Variants in LRP1B observed in about 807,000 individuals in gnomAD.
The protein encoded by LRP1B is low-density lipoprotein receptor-related protein 1B.
Under a neutral mutation model 556.6 loss-of-function variants are expected in LRP1B, and 217 were observed. The ratio of observed to expected loss-of-function variants is 0.39; its 90% CI spans 0.35 to 0.44. The LOEUF is 0.44. LRP1B is among the 20% of genes least tolerant of loss of function. LRP1B has a pLI of 1.00. For synonymous variants in LRP1B, 2,047 were observed against 1,865.8 expected, an observed-to-expected ratio of 1.10 and a Z score of -2.50; for missense variants, 5,053 against 5,620.8, an observed-to-expected ratio of 0.90 and a Z score of 3.23.
At chr2:142,012,541 G>A (rs1307261237) in intron 1 of LRP1B, among the ~76,000 whole-genome samples, 2 of 152,082 alleles carry the variant, frequency 1.3e-5, no homozygotes, top group Non-Finnish European at 2.9e-5. Flanking sequence ...AGTGCTGCCT[G>A]TTTCAGCACC....
At chr2:141,855,517 T>C (rs1268125334) in intron 1 of LRP1B, among the ~76,000 whole-genome samples, 2 of 152,132 alleles carry the variant, frequency 1.3e-5, no homozygotes, top group Non-Finnish European at 2.9e-5. Context: ...ATACATGCTT[T>C]AGGTGAGTGA....
chr2:141,989,368 A>G (rs993556759), intron 1 of LRP1B, among the ~76,000 whole-genome samples: 2 of 152,106 alleles, frequency 1.3e-5, no homozygotes, highest in African/African-American at 2.4e-5. Context: ...AGAAAAAAAG[A>G]AAGTCAAGGG....
chr2:141,400,652 C>G (rs1003353341), intron 3 of LRP1B, among the ~76,000 whole-genome samples: 1 of 152,190 alleles, frequency 6.6e-6, no homozygotes, highest in Non-Finnish European at 1.5e-5. Flanking sequence ...TTTCTCTAGA[C>G]TATGCCAAAT....
At chr2:141,173,909 T>A (rs1475729915) in intron 7 of LRP1B, among the ~76,000 whole-genome samples, 3 of 152,084 alleles carry the variant, frequency 2.0e-5, no homozygotes, top group Admixed American at 6.6e-5. Flanking sequence ...GTCCAAAGTA[T>A]TCTAAAATAT....
chr2:141,516,884 A>G (rs1684331163), intron 2 of LRP1B, among the ~76,000 whole-genome samples: 1 of 150,918 alleles, frequency 6.6e-6, no homozygotes, highest in African/African-American at 2.4e-5. Flanking sequence ...TTTTGGAGAG[A>G]TGGAGTTTCA....
intron 1 of LRP1B, among the ~76,000 whole-genome samples, chr2:141,919,338 T>C (rs1289715234): frequency 6.6e-6 from 1 of 151,998 alleles, no homozygotes; most frequent in Admixed American, 6.6e-5. Context: ...TTCAAACAGG[T>C]CTTAGATTTC....
At chr2:140,451,140 C>T (rs1431625794) in intron 62 of LRP1B, among the ~76,000 whole-genome samples, 4 of 152,108 alleles carry the variant, frequency 2.6e-5, no homozygotes, top group Non-Finnish European at 5.9e-5. Flanking sequence ...TGAGGTTTCA[C>T]CATGTTGCCA....
intron 2 of LRP1B, among the ~76,000 whole-genome samples, chr2:141,497,527 C>T (rs76444715): frequency 0.031 from 4,785 of 152,052 alleles, 272 homozygotes; most frequent in African/African-American, 0.11. Context: ...TCTCCTACAC[C>T]ACATTTGTGT....
intron 59 of LRP1B, among the ~76,000 whole-genome samples, chr2:140,484,857 T>C (rs1688401773): frequency 1.3e-5 from 2 of 152,120 alleles, no homozygotes; most frequent in South Asian, 4.1e-4. Context: ...TTCCCAATAG[T>C]CCCATTCAGC....
At chr2:140,268,637 T>C (rs1682317866) in intron 86 of LRP1B, among the ~76,000 whole-genome samples, 2 of 152,006 alleles carry the variant, frequency 1.3e-5, no homozygotes, top group Non-Finnish European at 2.9e-5. Flanking sequence ...TAATTTCCAT[T>C]GTCATGAACA....
rs181088954 is a variant in LRP1B, at chr2:140,238,621, T to C, written c.13416-325A>G. On this transcript the variant is annotated intron_variant, in intron 88 of 90. Coordinates refer to ENST00000389484, the MANE Select transcript of LRP1B (RefSeq NM_018557.3). ...AAAATAGTGATAAACTCTAAGATTG[T>C]TTTCAATCCCCAAGTTACATGGTTA... 4.6e-5 allele frequency among the ~76,000 whole-genome samples: 7 copies of C among 151,012 alleles called. No individual in the cohort carries two copies. The East Asian group carries it at 7.8e-4, about 17-fold the overall frequency.
intron 1 of LRP1B, among the ~76,000 whole-genome samples, chr2:141,842,761 A>G (rs988598353): frequency 6.6e-6 from 1 of 152,162 alleles, no homozygotes; most frequent in African/African-American, 2.4e-5. Context: ...CAAATATTTT[A>G]CAAAGTAATG....
chr2:140,753,539 C>T lies in LRP1B; in HGVS notation c.5758+15674G>A, dbSNP rs902818891. 2.0e-5 allele frequency among the ~76,000 whole-genome samples: 3 copies of T among 152,224 alleles called. No individual in the cohort carries two copies. In the East Asian group the frequency reaches 5.8e-4, roughly 29 times the overall value. On this transcript the variant is annotated intron_variant, in intron 35 of 90. Coordinates refer to ENST00000389484, the MANE Select transcript of LRP1B (RefSeq NM_018557.3). Reference sequence around the variant, plus strand: ...TGAGAAGCCTAGTAGACTCAGCCCCCTACATAACTGGTGAGAATTATTTAA... The same window carrying T: ...TGAGAAGCCTAGTAGACTCAGCCCCTTACATAACTGGTGAGAATTATTTAA...
chr2:141,550,251 A>T (rs1054020011), intron 2 of LRP1B, among the ~76,000 whole-genome samples: 2 of 152,144 alleles, frequency 1.3e-5, no homozygotes, highest in African/African-American at 4.8e-5. Flanking sequence ...TGTTACCTTT[A>T]TAAGAAGAAA....
At chr2:141,990,251 T>G (rs1389266140) in intron 1 of LRP1B, among the ~76,000 whole-genome samples, 1 of 151,956 alleles carries the variant, frequency 6.6e-6, no homozygotes, top group Non-Finnish European at 1.5e-5. Flanking sequence ...AAACAACATA[T>G]AGCCTACTTG....
chr2:140,989,598 T>C lies in LRP1B; in HGVS notation c.2704A>G (p.Arg902Gly). ...TCATTAGCTCCATCACAAAGCCATC[T>C]CTTGGGGATGCAGCGATTATTCTGG... is the stretch of plus-strand genomic sequence containing the variant. ...KCQNNRCIPK[R>G]WLCDGANDCG... Residue 902 changes from arginine (R) to glycine (G), a missense_variant, in exon 17 of 91, where the codon AGA becomes GGA. Coordinates refer to ENST00000389484, the MANE Select transcript of LRP1B (RefSeq NM_018557.3). 6.2e-7 allele frequency: 1 copy of C among 1,613,274 alleles called. No homozygotes were observed. Among genetic ancestry groups the C allele is most frequent in the Non-Finnish European group, 8.5e-7 (1 of 1,179,446 alleles).
At chr2:141,340,372 G>C (rs193002033) in intron 3 of LRP1B, among the ~76,000 whole-genome samples, 11 of 152,208 alleles carry the variant, frequency 7.2e-5, no homozygotes, top group African/African-American at 2.4e-4. Context: ...CAATTTCCTT[G>C]CTTTTCTTCA....
chr2:140,406,481 A>T (rs957767229), intron 66 of LRP1B, among the ~76,000 whole-genome samples: 4 of 152,098 alleles, frequency 2.6e-5, no homozygotes, highest in African/African-American at 9.7e-5. Context: ...GGTCTAATAA[A>T]CACATTCAGT....
chr2:140,826,248 T>C (rs1010598404), intron 31 of LRP1B, among the ~76,000 whole-genome samples: 1 of 152,146 alleles, frequency 6.6e-6, no homozygotes. Flanking sequence ...TGGTATAACA[T>C]TGACAAGGGA....
Sources: gnomAD v4.1 joint callset for allele counts (sites outside exome capture counted in the v4.1 genomes callset) on GRCh38, gnomAD v4.1.1 for gene constraint, MANE v1.5 for transcripts, NCBI Gene and HGNC (gene_info 2026-07-23, HGNC 2026-07-21) for gene names.